The following ZNF382 variants were observed in gnomAD, a reference collection of about 807,000 sequenced individuals.
ZNF382 encodes the protein KRAB/zinc finger suppressor protein 1.
In ZNF382, 20 loss-of-function variants were observed where a neutral mutation model predicts 38.8. The observed-to-expected ratio is 0.51, with a 90% confidence interval of 0.36 to 0.75. The LOEUF (loss-of-function observed/expected upper bound fraction) is 0.75. Ranked by LOEUF, ZNF382 falls within the 30% of genes least tolerant of loss-of-function variation. The pLI is 0.00. For synonymous variants in ZNF382, 202 were observed against 223.1 expected (o/e 0.91, Z 0.84); for missense variants, 546 against 654.1 (o/e 0.83, Z 1.80).
chr19:36,626,250 G>A lies in ZNF382; in HGVS notation c.353G>A (p.Gly118Asp). 1 of 1,608,670 alleles carries A rather than the reference G, an allele frequency of 6.2e-7. No homozygotes were observed. Among genetic ancestry groups the A allele is most frequent in the Non-Finnish European group, 8.5e-7 (1 of 1,178,372 alleles). ...KLIKERSNIY[G>D]KTFTLGKNRI... ...ATTAAGGAGAGAAGTAATATTTATGGTAAAACATTTACTCTAGGCAAGAAC... is the reference window on the plus strand; with the variant it reads ...ATTAAGGAGAGAAGTAATATTTATGATAAAACATTTACTCTAGGCAAGAAC... The change falls in exon 5 of 5, where the codon GGT becomes GAT. Residue 118 changes from glycine (G) to aspartate (D), a missense_variant. Physicochemically the swap from Gly to Asp is moderately conservative, Grantham distance 94 (BLOSUM62 -1). Transcript: ENST00000292928.
In ZNF382 at chr19:36,627,625, A is replaced by G. The variant is rs530136143; in HGVS notation, c.*75A>G. 2 of 1,140,680 alleles carry G rather than the reference A, an allele frequency of 1.8e-6. No individual in the cohort carries two copies. The highest frequency in any genetic ancestry group is 3.1e-5 in the African/African-American group (2 of 64,678). The allele number at this position is 1,140,680 out of a possible 1,614,324, so 70.7% of individuals were successfully genotyped here. Reference sequence around the variant, plus strand: ...AGATGATGTTGCTTGCAAGCGTAATATCCAACAGTTTAAGGTACTATACCA... The same window carrying G: ...AGATGATGTTGCTTGCAAGCGTAATGTCCAACAGTTTAAGGTACTATACCA... On this transcript the variant is annotated 3_prime_UTR_variant, in exon 5 of 5. Transcript: ENST00000292928.
At chr19:36,625,089 AATAT>A (rs371760229) in intron 4 of ZNF382, among the ~76,000 whole-genome samples, 631 of 42,974 alleles carry the variant, frequency 0.015, 14 homozygotes, top group Middle Eastern at 0.033. Context: ...AATGAATTTA[AATAT>A]ATATATATAT....
At chr19:36,610,888 T>A in intron 4 of ZNF382, 146 bp downstream of exon 4, 1 of 559,066 alleles carries the variant, frequency 1.8e-6, no homozygotes, top group South Asian at 2.1e-5. Flanking sequence ...TATAGTTCAG[T>A]AGCATCAAGT....
At position 36,628,141 on chromosome 19, in the gene ZNF382, CAGA is replaced by C. The variant is rs1462885655; in HGVS notation, c.*594_*596del. The C allele has an allele frequency of 2.0e-5, 3 of 152,210 alleles. No individual in the cohort carries two copies. The highest frequency in any genetic ancestry group is 6.6e-5 in the Admixed American group (1 of 15,254). The allele number at this position is 152,210 out of a possible 1,614,324, so 9.4% of individuals were successfully genotyped here. ...TGAGTCTAATCATTAGTACGTGTGG[CAGA>C]AGTTTATTTATTTTTATCCAGTATA... is the stretch of plus-strand genomic sequence containing the variant. On this transcript the variant is annotated 3_prime_UTR_variant, in exon 5 of 5. Coordinates refer to ENST00000292928, the MANE Select transcript of ZNF382 (RefSeq NM_032825.5).
intron 4 of ZNF382, among the ~76,000 whole-genome samples, chr19:36,621,414 T>C (rs1023405740): frequency 6.6e-6 from 1 of 151,684 alleles, no homozygotes; most frequent in East Asian, 1.9e-4. Context: ...CCCTCTGTTT[T>C]CAAGGGTGAC....
At chr19:36,605,978 G>A (rs2145306854) in intron 1 of ZNF382, among the ~76,000 whole-genome samples, 1 of 152,276 alleles carries the variant, frequency 6.6e-6, no homozygotes, top group Non-Finnish European at 1.5e-5. Context: ...GTTCTCTGAA[G>A]GATGTTTGAT....
intron 4 of ZNF382, among the ~76,000 whole-genome samples, chr19:36,614,948 C>CCTTTCT (rs2037112934): frequency 1.4e-5 from 2 of 139,114 alleles, no homozygotes; most frequent in South Asian, 2.3e-4. Context: ...TTTCCCTTTC[C>CCTTTCT]CTTTCCCTTC....
At chr19:36,618,426 T>C (rs750297664) in intron 4 of ZNF382, among the ~76,000 whole-genome samples, 37 of 152,236 alleles carry the variant, frequency 2.4e-4, no homozygotes, top group African/African-American at 3.9e-4. Context: ...ATGCCAACTT[T>C]GGGGCTCTGC....
chr19:36,625,498 C>G (rs1426186126), intron 4 of ZNF382, among the ~76,000 whole-genome samples: 3 of 151,840 alleles, frequency 2.0e-5, no homozygotes, highest in Non-Finnish European at 4.4e-5. Flanking sequence ...TTTGAATCTT[C>G]CATTCCAAGT....
At chr19:36,607,748 C>A in intron 2 of ZNF382, 126 bp downstream of exon 2, 2 of 1,005,620 alleles carry the variant, frequency 2.0e-6, no homozygotes, top group Non-Finnish European at 2.8e-6. Flanking sequence ...TCAGTCAGGG[C>A]CAGATTAGGC....
At position 36,626,951 on chromosome 19, in the gene ZNF382, T is replaced by C; in HGVS notation, c.1054T>C (p.Phe352Leu). Residue 352 changes from phenylalanine (F) to leucine (L), a missense_variant, in exon 5 of 5, where the codon TTT (phenylalanine) becomes CTT (leucine). Physicochemically the swap from Phe to Leu is conservative, Grantham distance 22 (BLOSUM62 0). Transcript: ENST00000292928. ...GAAAACACATATAGAGGGGAAACCC[T>C]TTATTTGTATCGATTGTGGGAAGTC... is the stretch of plus-strand genomic sequence containing the variant. ...HEKTHIEGKP[F>L]ICIDCGKSFR... 1 of 1,614,204 alleles carries C rather than the reference T, an allele frequency of 6.2e-7. No homozygotes were observed. The highest frequency in any genetic ancestry group is 8.5e-7 in the Non-Finnish European group (1 of 1,180,018).
At chr19:36,624,739 A>G (rs1243527071) in intron 4 of ZNF382, among the ~76,000 whole-genome samples, 1 of 152,078 alleles carries the variant, frequency 6.6e-6, no homozygotes, top group East Asian at 1.9e-4. Context: ...ATTATTGACC[A>G]TCTCTGGCAG....
At chr19:36,611,851 G>T (rs1331604234) in intron 4 of ZNF382, among the ~76,000 whole-genome samples, 1 of 152,096 alleles carries the variant, frequency 6.6e-6, no homozygotes, top group Non-Finnish European at 1.5e-5. Flanking sequence ...TATTTTTAAA[G>T]ACCTGAGATC....
intron 4 of ZNF382, among the ~76,000 whole-genome samples, chr19:36,619,529 T>C (rs2037151966): frequency 6.6e-6 from 1 of 152,190 alleles, no homozygotes; most frequent in Non-Finnish European, 1.5e-5. Context: ...TGTCTCTGCC[T>C]GGTTTGTTTC....
intron 4 of ZNF382, among the ~76,000 whole-genome samples, chr19:36,613,179 C>G (rs2037092644): frequency 6.6e-6 from 1 of 152,122 alleles, no homozygotes; most frequent in African/African-American, 2.4e-5. Context: ...GGATAGAAAT[C>G]TTTTGTTCAA....
At chr19:36,616,025 CACTTATAT>C (rs1374588683) in intron 4 of ZNF382, among the ~76,000 whole-genome samples, 3 of 152,276 alleles carry the variant, frequency 2.0e-5, no homozygotes, top group African/African-American at 7.2e-5. Flanking sequence ...AGGAACATTT[CACTTATAT>C]AAACACTCAT....
chr19:36,620,681 T>C (rs2037161943), intron 4 of ZNF382, among the ~76,000 whole-genome samples: 1 of 152,228 alleles, frequency 6.6e-6, no homozygotes, highest in Admixed American at 6.5e-5. Flanking sequence ...TCAATTGTCC[T>C]ATCCTTTTTG....
At chr19:36,610,115 A>G (rs543215375) in intron 3 of ZNF382, 62 bp downstream of exon 3, 113 of 1,580,946 alleles carry the variant, frequency 7.1e-5, no homozygotes, top group Middle Eastern at 1.7e-4. Context: ...CCTGAAACAT[A>G]TAGGACTTTG....
At chr19:36,611,141 T>A (rs972617812) in intron 4 of ZNF382, among the ~76,000 whole-genome samples, 1 of 151,938 alleles carries the variant, frequency 6.6e-6, no homozygotes, top group East Asian at 1.9e-4. Flanking sequence ...TACAAAAAAA[T>A]TAGCCAGGCA....
Sources: allele counts gnomAD v4.1 joint callset (sites outside exome capture counted in the v4.1 genomes callset), GRCh38; gene constraint gnomAD v4.1.1; transcripts MANE v1.5; gene names NCBI Gene and HGNC (gene_info 2026-07-23, HGNC 2026-07-21).